CCDC57: variants seen among roughly 807,000 people sequenced by gnomAD.
The protein encoded by CCDC57 is coiled-coil domain-containing protein 57.
Under a neutral mutation model 118.9 loss-of-function variants are expected in CCDC57, and 118 were observed. That is an observed-to-expected ratio of 0.99 (90% CI 0.86 to 1.16). CCDC57 has a LOEUF of 1.16. Among genes scored for constraint, CCDC57 ranks in the 50% most tolerant of loss-of-function variants. The pLI is 0.00. For synonymous variants in CCDC57, 527 were observed against 532.9 expected (o/e 0.99, Z 0.15); for missense variants, 1,300 against 1,320.7 (o/e 0.98, Z 0.24).
intron 1 of CCDC57, among the ~76,000 whole-genome samples, chr17:82,209,162 T>C (rs1248577205): frequency 6.6e-6 from 1 of 152,072 alleles, no homozygotes; most frequent in Non-Finnish European, 1.5e-5. Flanking sequence ...AGATGGGCAG[T>C]AGGTCTGAAT....
intron 15 of CCDC57, 72 bp downstream of exon 14, chr17:82,157,676 C>G: frequency 1.3e-6 from 2 of 1,506,372 alleles, no homozygotes; most frequent in Non-Finnish European, 1.8e-6. Context: ...GCAACGCTGG[C>G]AGAGCACAGG....
intron 7 of CCDC57, among the ~76,000 whole-genome samples, chr17:82,189,294 T>A (rs1349480362): frequency 7.2e-6 from 1 of 139,842 alleles, no homozygotes. Flanking sequence ...AGCAACAGTA[T>A]TAAATAAATA....
intron 17 of CCDC57, 59 bp downstream of exon 16, chr17:82,134,014 A>C (rs2038814653): frequency 7.6e-7 from 1 of 1,308,770 alleles, no homozygotes; most frequent in Admixed American, 4.1e-5. Flanking sequence ...TCTGTAATGA[A>C]AACGACACAA....
In CCDC57 at chr17:82,111,343, C is replaced by T. The variant is rs926073926; in HGVS notation, c.2900-9477G>A. 5.1e-4 allele frequency among the ~76,000 whole-genome samples: 76 copies of T among 149,228 alleles called. 2 individuals are homozygous for T. The highest frequency in any genetic ancestry group is 1.0e-3 in the Admixed American group (15 of 14,988). ...GTCTCGATCTCCTGACCCTCGTGATCCACCCACCTTGGCCTCTCAAAGTGC... is the reference window on the plus strand; with the variant it reads ...GTCTCGATCTCCTGACCCTCGTGATTCACCCACCTTGGCCTCTCAAAGTGC... On this transcript the variant is annotated intron_variant, in intron 19 of 19. Transcript: ENST00000665763.
chr17:82,169,943 A>T (rs2146222562), intron 13 of CCDC57, among the ~76,000 whole-genome samples: 1 of 152,308 alleles, frequency 6.6e-6, no homozygotes, highest in African/African-American at 2.4e-5. Context: ...CAACACATAT[A>T]ACCAACGCTA....
intron 16 of CCDC57, among the ~76,000 whole-genome samples, chr17:82,148,335 G>A (rs1345751567): frequency 6.9e-5 from 2 of 29,030 alleles, no homozygotes; most frequent in African/African-American, 1.4e-4. Context: ...GTGGATGGAT[G>A]GATGGATGGA....
chr17:82,163,293 G>C, exon 14 of CCDC57: 2 of 1,614,034 alleles, frequency 1.2e-6, no homozygotes, highest in Middle Eastern at 1.6e-4. Flanking sequence ...GGCCAGCTTG[G>C]ACAGATCCTC....
chr17:82,113,938 T>C (rs935360045), intron 19 of CCDC57, among the ~76,000 whole-genome samples: 1 of 151,984 alleles, frequency 6.6e-6, no homozygotes, highest in African/African-American at 2.4e-5. Context: ...AGAGCGAGAA[T>C]AAAGTAAATA....
intron 19 of CCDC57, among the ~76,000 whole-genome samples, chr17:82,120,427 G>C (rs35857672): frequency 6.6e-6 from 1 of 152,030 alleles, no homozygotes; most frequent in East Asian, 1.9e-4. Context: ...CTTGTCTGGC[G>C]AGCGACTGCC....
At chr17:82,113,758 C>T (rs959161110) in intron 19 of CCDC57, 15 of 673,266 alleles carry the variant, frequency 2.2e-5, no homozygotes, top group Middle Eastern at 3.2e-4. Context: ...CATAGTGAGA[C>T]CCCATTTCTA....
chr17:82,188,235 C>A, exon 8 of CCDC57: 1 of 1,554,980 alleles, frequency 6.4e-7, no homozygotes, highest in Non-Finnish European at 8.7e-7. Flanking sequence ...ATGGCAGCGT[C>A]CTTCTCCTTG....
intron 16 of CCDC57, among the ~76,000 whole-genome samples, chr17:82,136,747 A>G (rs1176208801): frequency 6.6e-6 from 1 of 151,716 alleles, no homozygotes; most frequent in Non-Finnish European, 1.5e-5. Flanking sequence ...ACACCCAGCC[A>G]AGTTTTTTGT....
chr17:82,128,039 C>CTGGGTGAT, intron 18 of CCDC57, 131 bp from the exon 18 acceptor site: 1 of 1,325,538 alleles, frequency 7.5e-7, no homozygotes, highest in Non-Finnish European at 1.0e-6. Flanking sequence ...GCAGATGCTC[C>CTGGGTGAT]CAGGATCACC....
intron 14 of CCDC57, 104 bp downstream of exon 13, chr17:82,163,096 C>A: frequency 1.4e-6 from 2 of 1,417,190 alleles, no homozygotes; most frequent in South Asian, 2.6e-5. Flanking sequence ...TCAGTGGATG[C>A]CCGAGGTCAC....
At chr17:82,137,327 C>T (rs1040530649) in intron 16 of CCDC57, among the ~76,000 whole-genome samples, 1 of 152,156 alleles carries the variant, frequency 6.6e-6, no homozygotes, top group East Asian at 1.9e-4. Flanking sequence ...AGCCTTCCTT[C>T]GTTTACTATT....
intron 19 of CCDC57, chr17:82,105,139 C>CCACA (rs1261595373): frequency 6.6e-6 from 1 of 152,346 alleles, no homozygotes. Flanking sequence ...GACGGTGAGC[C>CCACA]CACGCCTTCC....
At chr17:82,131,027 G>A (rs2038280874) in intron 17 of CCDC57, among the ~76,000 whole-genome samples, 1 of 151,250 alleles carries the variant, frequency 6.6e-6, no homozygotes, top group African/African-American at 2.4e-5. Flanking sequence ...TGCCCAGGCT[G>A]GTCTTGAACT....
rs1262961364 is a variant in CCDC57, at chr17:82,197,009, C to T, written c.516+1305G>A. On this transcript the variant is annotated intron_variant, in intron 4 of 19. Transcript: ENST00000665763. ...CCTGCAGAGACTCAGCCCCTCGTGA[C>T]TCCTGCAGACGCAGCCCCTCATGAC... 2.0e-5 allele frequency among the ~76,000 whole-genome samples: 3 copies of T among 147,182 alleles called. No individual in the cohort carries two copies. In the East Asian group the frequency reaches 6.1e-4, roughly 30 times the overall value.
At chr17:82,109,300 G>T (rs1277040719) in intron 19 of CCDC57, among the ~76,000 whole-genome samples, 1 of 152,256 alleles carries the variant, frequency 6.6e-6, no homozygotes, top group Non-Finnish European at 1.5e-5. Context: ...CCTGCGAGGG[G>T]CCTACGAGGC....
Sources: allele counts gnomAD v4.1 joint callset (sites outside exome capture counted in the v4.1 genomes callset), GRCh38; gene constraint gnomAD v4.1.1; transcripts MANE v1.5; gene names NCBI Gene and HGNC (gene_info 2026-07-23, HGNC 2026-07-21).